Variants in CSMD1 observed in about 807,000 individuals in gnomAD.
CSMD1 encodes CUB and sushi domain-containing protein 1.
A neutral mutation model predicts 417.5 loss-of-function variants in CSMD1; 213 were observed. The ratio of observed to expected loss-of-function variants is 0.51; its 90% CI spans 0.46 to 0.57. The LOEUF is 0.57. CSMD1 is among the 20% of genes least tolerant of loss of function. The pLI is 0.00. For missense variants in CSMD1, 6,923 were observed against 4,529.7 expected (o/e 1.53, Z -15.17); for synonymous variants, 2,862 against 1,736.8 (o/e 1.65, Z -16.11).
At chr8:3,164,728 GAC>G (rs2129041347) in intron 37 of CSMD1, among the ~76,000 whole-genome samples, 1 of 152,066 alleles carries the variant, frequency 6.6e-6, no homozygotes, top group African/African-American at 2.4e-5. Flanking sequence ...CACACCAGGT[GAC>G]ACAGAACGAA....
chr8:3,676,386 C>T (rs375418819), intron 7 of CSMD1, among the ~76,000 whole-genome samples: 3 of 152,146 alleles, frequency 2.0e-5, no homozygotes, highest in Admixed American at 6.6e-5. Context: ...TAGATGAAAA[C>T]TTATATACCA....
chr8:4,268,841 G>A (rs1300465489), intron 3 of CSMD1, among the ~76,000 whole-genome samples: 1 of 151,978 alleles, frequency 6.6e-6, no homozygotes, highest in Non-Finnish European at 1.5e-5. Context: ...CTTAATATGG[G>A]AGAGATTTTC....
chr8:3,299,451 TC>T (rs1469794300), intron 25 of CSMD1, among the ~76,000 whole-genome samples: 3 of 151,490 alleles, frequency 2.0e-5, no homozygotes, highest in Non-Finnish European at 2.9e-5. Flanking sequence ...ACACTTTGTC[TC>T]AAAAAAAAAG....
chr8:4,910,528 C>T (rs1421848081), intron 1 of CSMD1, among the ~76,000 whole-genome samples: 2 of 152,104 alleles, frequency 1.3e-5, no homozygotes, highest in Non-Finnish European at 2.9e-5. Flanking sequence ...ATGGTAAAAA[C>T]GACAAGGAAT....
rs1297321544 is a variant in CSMD1, at chr8:4,162,340, G to C, written c.416-130241C>G. Among the ~76,000 whole-genome samples the C allele has an allele frequency of 2.0e-5, 3 of 152,136 alleles. No homozygotes were observed. In the South Asian group the frequency reaches 6.2e-4, roughly 31 times the overall value. On this transcript the variant is annotated intron_variant, in intron 3 of 69. Transcript: ENST00000635120. ...GGATTTATGTTACTACAAAAGAAAA[G>C]TGCTTGTTTTTAGGTAATTTTGATG... is the stretch of plus-strand genomic sequence containing the variant.
At chr8:3,224,526 A>T (rs1798388923) in intron 27 of CSMD1, among the ~76,000 whole-genome samples, 1 of 152,216 alleles carries the variant, frequency 6.6e-6, no homozygotes, top group African/African-American at 2.4e-5. Flanking sequence ...GGCAAAACAA[A>T]CCCCAAAAGT....
Position 2,961,107 on chromosome 8 carries a change from A to G in CSMD1, c.9702+34T>C, listed in dbSNP as rs185956318. 1.4e-3 allele frequency: 1,881 copies of G among 1,386,002 alleles called. 22 individuals carry two copies. The African/African-American group carries it at 0.023, about 17-fold the overall frequency. 85.9% of individuals were successfully genotyped at this position (1,386,002 alleles called of 1,614,324 possible). ...AGTAACAAATATATTTTATATTTCC[A>G]GAAAGAAAACATAGTAAATTCATAA... is the stretch of plus-strand genomic sequence containing the variant. On this transcript the variant is annotated intron_variant, in intron 62 of 69. Coordinates refer to ENST00000635120, the MANE Select transcript of CSMD1 (RefSeq NM_033225.6).
chr8:3,208,753 T>C (rs756410494), intron 30 of CSMD1, among the ~76,000 whole-genome samples: 1 of 152,036 alleles, frequency 6.6e-6, no homozygotes, highest in African/African-American at 2.4e-5. Context: ...GGCTAGAATA[T>C]AAGCAGGCAG....
intron 1 of CSMD1, among the ~76,000 whole-genome samples, chr8:4,962,623 C>A (rs1475646229): frequency 6.6e-6 from 1 of 152,138 alleles, no homozygotes; most frequent in Non-Finnish European, 1.5e-5. Flanking sequence ...GCCAGTATTT[C>A]TAATTTCTCT....
chr8:4,154,977 T>C (rs1285652329), intron 3 of CSMD1, among the ~76,000 whole-genome samples: 1 of 152,214 alleles, frequency 6.6e-6, no homozygotes, highest in Non-Finnish European at 1.5e-5. Flanking sequence ...GCTACCCTAA[T>C]GCTACTCCAG....
At chr8:3,719,151 C>G (rs747374402) in intron 6 of CSMD1, among the ~76,000 whole-genome samples, 9 of 152,184 alleles carry the variant, frequency 5.9e-5, no homozygotes, top group Non-Finnish European at 1.2e-4. Flanking sequence ...TTCTTCTTTT[C>G]TATACTTCGT....
chr8:4,451,034 G>C (rs1799112292), intron 2 of CSMD1, among the ~76,000 whole-genome samples: 1 of 151,818 alleles, frequency 6.6e-6, no homozygotes, highest in Non-Finnish European at 1.5e-5. Flanking sequence ...AAAAAAAATG[G>C]AATTTAGTGA....
intron 69 of CSMD1, among the ~76,000 whole-genome samples, chr8:2,941,483 T>A (rs1008685837): frequency 2.0e-5 from 3 of 152,234 alleles, no homozygotes; most frequent in African/African-American, 7.2e-5. Context: ...CCATTTCAAA[T>A]AGTATTTTAG....
chr8:4,411,454 T>C (rs1370541170), intron 3 of CSMD1, among the ~76,000 whole-genome samples: 1 of 152,182 alleles, frequency 6.6e-6, no homozygotes, highest in Non-Finnish European at 1.5e-5. Flanking sequence ...CTTGGTTCTA[T>C]TTTTCATTCA....
rs995566423 is a variant in CSMD1, at chr8:3,644,956, G to C, written c.1010-28159C>G. ...AAATTCCAGGGTTACGGATCACTAA[G>C]GCTTTAAATGAAAAAAAAAAAAAAA... On this transcript the variant is annotated intron_variant, in intron 7 of 69. Transcript: ENST00000635120. Among the ~76,000 whole-genome samples, 56 of 111,134 alleles carry C rather than the reference G, an allele frequency of 5.0e-4. 1 individual carries two copies. Among genetic ancestry groups the C allele is most frequent in the Non-Finnish European group, 7.2e-4 (44 of 60,936 alleles). 72.9% of individuals were successfully genotyped at this position (111,134 alleles called of 152,430 possible).
chr8:3,240,333 G>C (rs1412068566), intron 26 of CSMD1, among the ~76,000 whole-genome samples: 1 of 152,124 alleles, frequency 6.6e-6, no homozygotes, highest in African/African-American at 2.4e-5. Flanking sequence ...GGGTCAGCAA[G>C]GTTTCCTTTT....
At chr8:3,065,543 G>C (rs891489107) in intron 49 of CSMD1, among the ~76,000 whole-genome samples, 8 of 152,010 alleles carry the variant, frequency 5.3e-5, no homozygotes, top group African/African-American at 1.9e-4. Flanking sequence ...CAGATGGATA[G>C]TTATATAGAA....
intron 5 of CSMD1, among the ~76,000 whole-genome samples, chr8:3,931,362 T>C (rs1205074713): frequency 6.6e-6 from 1 of 150,630 alleles, no homozygotes; most frequent in Non-Finnish European, 1.5e-5. Context: ...CCTCCCTCAT[T>C]TCTCAGGCTT....
chr8:3,752,858 G>C (rs2720855), intron 6 of CSMD1, among the ~76,000 whole-genome samples: 18,456 of 151,930 alleles, frequency 0.12, 1,158 homozygotes, highest in Middle Eastern at 0.15. Flanking sequence ...ACTGACCCTT[G>C]TTTCTCTACT....
Sources: allele counts gnomAD v4.1 joint callset (sites outside exome capture counted in the v4.1 genomes callset), GRCh38; gene constraint gnomAD v4.1.1; transcripts MANE v1.5; gene names NCBI Gene and HGNC (gene_info 2026-07-23, HGNC 2026-07-21).